Variants in TIGD6 observed in about 807,000 individuals in gnomAD.
TIGD6 encodes tigger transposable element derived 6.
In TIGD6, 1 loss-of-function variant was observed where a neutral mutation model predicts 2.6. The observed-to-expected ratio is 0.39, with a 90% CI of 0.14 to 1.85. TIGD6 has a LOEUF of 1.85. TIGD6 is among the 40% of genes most tolerant of loss of function. The probability of loss-of-function intolerance (pLI) is 0.32; values close to 1 mark genes in which losing one functional copy is unlikely to be tolerated. For missense variants in TIGD6, 601 were observed against 634.2 expected, an observed-to-expected ratio of 0.95 and a Z score of 0.56; for synonymous variants, 193 against 221.9, an observed-to-expected ratio of 0.87 and a Z score of 1.16.
rs1031438317 is a variant in TIGD6, at chr5:149,995,146, C to A, written c.1203G>T (p.Leu401Phe). 8 of 1,614,134 alleles carry A rather than the reference C, an allele frequency of 5.0e-6. No individual in the cohort carries two copies. In the African/African-American group the frequency reaches 9.3e-5, roughly 19 times the overall value. Reference protein sequence around the residue: ...ASEPDIAIEKLWHTVAIATCV... With the variant: ...ASEPDIAIEKFWHTVAIATCV... ...AGGTGGCAATAGCCACTGTGTGCCA[C>A]AACTTTTCAATGGCAATGTCTGGTT... Residue 401 changes from leucine to phenylalanine, a missense_variant, in exon 2 of 2, where the codon TTG (leucine) becomes TTT (phenylalanine). Coordinates refer to ENST00000296736, the MANE Select transcript of TIGD6 (RefSeq NM_030953.4).
rs1755368695 is a variant in TIGD6 at position 149,995,729 on chromosome 5, T to A, written c.620A>T (p.Lys207Met). 4 of 1,614,250 alleles carry A rather than the reference T, an allele frequency of 2.5e-6. No individual in the cohort carries two copies. Among genetic ancestry groups the A allele is most frequent in the Middle Eastern group, 1.6e-4 (1 of 6,062 alleles). Residue 207 changes from lysine (K) to methionine (M), a missense_variant, in exon 2 of 2, where the codon AAG becomes ATG. Physicochemically the swap from Lys to Met is moderately conservative, Grantham distance 95. Coordinates refer to ENST00000296736, the MANE Select transcript of TIGD6 (RefSeq NM_030953.4). Reference sequence around the variant, plus strand: ...ACAAAAGAGTGCTGTCAACCGCTGCTTTGCTTTCTTGCCCCCTCTACAGTG... The same window carrying A: ...ACAAAAGAGTGCTGTCAACCGCTGCATTGCTTTCTTGCCCCCTCTACAGTG... Reference protein sequence around the residue: ...GDHCRGGKKAKQRLTALFCCN... With the variant: ...GDHCRGGKKAMQRLTALFCCN...
chr5:149,996,541 A>G, intron 1 of TIGD6, 112 bp from the exon 2 acceptor site: 1 of 747,002 alleles, frequency 1.3e-6, no homozygotes, highest in Non-Finnish European at 2.0e-6. Flanking sequence ...CAAAGTAAAG[A>G]AAAGATAGGA....
chr5:149,995,956 G>A lies in TIGD6; in HGVS notation c.393C>T (p.His131=), dbSNP rs199552242. The A allele has an allele frequency of 1.7e-5, 27 of 1,612,252 alleles. No individual in the cohort carries two copies. The highest frequency in any genetic ancestry group is 4.5e-5 in the East Asian group (2 of 44,886). Residue 131 remains histidine (H), a synonymous_variant, in exon 2 of 2, where the codon CAC becomes CAT. Transcript: ENST00000296736. The stretch of plus-strand genomic sequence containing the variant: ...TACAGACTGCTTTCAAAGCAATTCC[G>A]TGGCGATCTCTAAATCTGTTCAGCC... ...VGWLNRFRDR[H]GIALKAVCRE...
chr5:149,995,167 T>TG lies in TIGD6; in HGVS notation c.1181dup (p.Asp395ArgfsTer5), dbSNP rs1180159018. ...GCCACAACTTTTCAATGGCAATGTC[T>TG]GGTTCACTGGCTGCTGATTCTGTGT... On this transcript the variant is annotated frameshift_variant, in exon 2 of 2. Transcript: ENST00000296736. LOFTEE classifies it low-confidence loss of function (END_TRUNC). The TG allele has an allele frequency of 6.2e-7, 1 of 1,614,260 alleles. No individual in the cohort carries two copies. Among genetic ancestry groups the TG allele is most frequent in the South Asian group, 1.1e-5 (1 of 91,088 alleles).
chr5:149,996,157 T>C lies in TIGD6; in HGVS notation c.192A>G (p.Gly64=). ...CGCTCCTCATCCTTTTCCGCTGGGG[T>C]CCCACGGATGCCTCCCGCACCTTTT... The part of the protein sequence containing the change: ...FEEKVREASV[G]PQRKRMRSAL... The change falls in exon 2 of 2, where the codon GGA becomes GGG. Residue 64 remains glycine (G), a synonymous_variant. Transcript: ENST00000296736. 1 of 1,613,956 alleles carries C rather than the reference T, an allele frequency of 6.2e-7. No homozygotes were observed. The highest frequency in any genetic ancestry group is 1.1e-5 in the South Asian group (1 of 91,070).
intron 1 of TIGD6, among the ~76,000 whole-genome samples, chr5:149,998,022 C>T (rs1219199516): frequency 2.0e-5 from 3 of 151,992 alleles, no homozygotes; most frequent in South Asian, 2.1e-4. Context: ...CCCAGCTACT[C>T]GGGAGGCAGA....
At chr5:149,997,634 T>C (rs1405332507) in intron 1 of TIGD6, among the ~76,000 whole-genome samples, 1 of 151,690 alleles carries the variant, frequency 6.6e-6, no homozygotes, top group Non-Finnish European at 1.5e-5. Flanking sequence ...AATCCAAGTA[T>C]ATGACAAAGG....
chr5:149,995,903 C>A lies in TIGD6; in HGVS notation c.446G>T (p.Gly149Val). The A allele has an allele frequency of 6.2e-7, 1 of 1,614,128 alleles. No homozygotes were observed. Among genetic ancestry groups the A allele is most frequent in the Non-Finnish European group, 8.5e-7 (1 of 1,180,038 alleles). Reference sequence around the variant, plus strand: ...CTCATTAATCTTATCTATTCCTAGACCATTCATTAACCTGTCACTATCTTC... The same window carrying A: ...CTCATTAATCTTATCTATTCCTAGAACATTCATTAACCTGTCACTATCTTC... ...CREDSDRLMNGLGIDKINEWH... is the reference protein window; with the variant it reads ...CREDSDRLMNVLGIDKINEWH... Residue 149 changes from glycine (G) to valine (V), a missense_variant, in exon 2 of 2, where the codon GGT becomes GTT. Transcript: ENST00000296736.
At chr5:149,997,815 G>A (rs1332362887) in intron 1 of TIGD6, among the ~76,000 whole-genome samples, 1 of 151,890 alleles carries the variant, frequency 6.6e-6, no homozygotes, top group Non-Finnish European at 1.5e-5. Flanking sequence ...AAAAAAATTA[G>A]CCGGGCGTGG....
chr5:150,000,010 A>T (rs1046121441), intron 1 of TIGD6: 1 of 154,772 alleles, frequency 6.5e-6, no homozygotes, highest in Non-Finnish European at 1.5e-5. Context: ...TCCAGGCAGG[A>T]GATGATGGTG....
chr5:150,000,081 G>T (rs1260578959), intron 1 of TIGD6: 1 of 154,560 alleles, frequency 6.5e-6, no homozygotes, highest in African/African-American at 2.4e-5. Context: ...TACAGTGAGG[G>T]TTGTGCGGGA....
rs760614714 is a variant in TIGD6, at chr5:149,995,822, A to C, written c.527T>G (p.Phe176Cys). The C allele has an allele frequency of 2.0e-5, 32 of 1,614,124 alleles. No individual in the cohort carries two copies. Among genetic ancestry groups the C allele is most frequent in the Non-Finnish European group, 2.6e-5 (31 of 1,180,050 alleles). Residue 176 changes from phenylalanine (F) to cysteine (C), a missense_variant, in exon 2 of 2, where the codon TTT becomes TGT. Physicochemically the swap from Phe to Cys is radical, Grantham distance 205. Coordinates refer to ENST00000296736, the MANE Select transcript of TIGD6 (RefSeq NM_030953.4). ...AAACACTCCTGTCTCATCAGCATTA[A>C]AGATATCATCTGGGCTGTAGTCAGC... is the stretch of plus-strand genomic sequence containing the variant. ...LIADYSPDDI[F>C]NADETGVFFQ...
In TIGD6 at chr5:149,995,637, G is replaced by C; in HGVS notation, c.712C>G (p.Leu238Val). ...CAAGGGAGGGAATGAATGTTCTTGA[G>C]GCAGTGTGGGCTGGCTGACCTACCA... ...IVGRSASPHCLKNIHSLPCDY... is the reference protein window; with the variant it reads ...IVGRSASPHCVKNIHSLPCDY... The change falls in exon 2 of 2, where the codon CTC becomes GTC. Residue 238 changes from leucine to valine, a missense_variant. Leu to Val is a conservative substitution (Grantham distance 32, BLOSUM62 1). Transcript: ENST00000296736. 1 of 1,614,222 alleles carries C rather than the reference G, an allele frequency of 6.2e-7. No individual in the cohort carries two copies. The highest frequency in any genetic ancestry group is 2.2e-5 in the East Asian group (1 of 44,882).
intron 1 of TIGD6, among the ~76,000 whole-genome samples, chr5:149,997,195 C>CA (rs1289756979): frequency 4.6e-5 from 7 of 152,186 alleles, no homozygotes; most frequent in Non-Finnish European, 1.0e-4. Context: ...ACTAAGATGG[C>CA]ACTGAAGCTG....
In TIGD6 at chr5:149,994,749, T is replaced by C; in HGVS notation, c.*34A>G. On this transcript the variant is annotated 3_prime_UTR_variant, in exon 2 of 2. Transcript: ENST00000296736. ...AACCTATCTAAAGAAATCTTTATTC[T>C]TGTAAACTACATTTTCTGAAATAAA... The C allele has an allele frequency of 6.7e-7, 1 of 1,488,450 alleles. No homozygotes were observed. Among genetic ancestry groups the C allele is most frequent in the Non-Finnish European group, 8.9e-7 (1 of 1,118,940 alleles). 92.2% of individuals were successfully genotyped at this position (1,488,450 alleles called of 1,614,324 possible).
At position 149,993,634 on chromosome 5, in the gene TIGD6, A is replaced by C. The variant is rs924287453; in HGVS notation, c.*1149T>G. ...GCTGTGTTGGCCAGTCTGGTCTCAA[A>C]CTCCTTGCCTCAAGTGATCTTCCCA... On this transcript the variant is annotated 3_prime_UTR_variant, in exon 2 of 2. Coordinates refer to ENST00000296736, the MANE Select transcript of TIGD6 (RefSeq NM_030953.4). 2 of 151,348 alleles carry C rather than the reference A, an allele frequency of 1.3e-5. No homozygotes were observed. The highest frequency in any genetic ancestry group is 1.5e-5 in the Non-Finnish European group (1 of 67,868). 9.4% of individuals were successfully genotyped at this position (151,348 alleles called of 1,614,324 possible).
At chr5:149,998,901 T>C (rs746304193) in intron 1 of TIGD6, among the ~76,000 whole-genome samples, 36 of 152,216 alleles carry the variant, frequency 2.4e-4, no homozygotes, top group Non-Finnish European at 4.3e-4. Flanking sequence ...TACGGAGTAC[T>C]ACTGGAACAT....
chr5:149,997,287 C>T (rs937083957), intron 1 of TIGD6, among the ~76,000 whole-genome samples: 5 of 152,206 alleles, frequency 3.3e-5, no homozygotes, highest in Admixed American at 6.5e-5. Flanking sequence ...ATAGGCCGGG[C>T]GCTGTGGCTC....
chr5:149,995,312 T>A lies in TIGD6; in HGVS notation c.1037A>T (p.Glu346Val), dbSNP rs886122299. The A allele has an allele frequency of 6.4e-7, 1 of 1,561,952 alleles. No individual in the cohort carries two copies. Among genetic ancestry groups the A allele is most frequent in the African/African-American group, 1.5e-5 (1 of 67,478 alleles). The change falls in exon 2 of 2, where the codon GAG (glutamate) becomes GTG (valine). Residue 346 changes from glutamate to valine, a missense_variant. By Grantham distance (121) the Glu-to-Val change is moderately radical (BLOSUM62 -2). Coordinates refer to ENST00000296736, the MANE Select transcript of TIGD6 (RefSeq NM_030953.4). ...GTCGATGGCCTGCTTGATGTCCACC[T>A]CTTCTTGATCCTCACTGCTGTTGAG... ...LKLNSSEDQE[E>V]VDIKQAIDMI...
Sources: allele counts gnomAD v4.1 joint callset (sites outside exome capture counted in the v4.1 genomes callset), GRCh38; gene constraint gnomAD v4.1.1; transcripts MANE v1.5; gene names NCBI Gene and HGNC (gene_info 2026-07-23, HGNC 2026-07-21).